Variants in KCNAB1 observed in about 807,000 individuals in gnomAD.
KCNAB1 encodes voltage-gated potassium channel subunit beta-1.
In KCNAB1, 35 loss-of-function variants were observed where a neutral mutation model predicts 64.6. The ratio of observed to expected loss-of-function variants is 0.54; its 90% CI spans 0.41 to 0.72. The LOEUF (loss-of-function observed/expected upper bound fraction) is 0.72. KCNAB1 is among the 30% of genes least tolerant of loss of function. KCNAB1 has a pLI of 0.00. For synonymous variants in KCNAB1, 177 were observed against 183.8 expected (o/e 0.96, Z 0.30); for missense variants, 401 against 512.9 (o/e 0.78, Z 2.11).
intron 1 of KCNAB1, among the ~76,000 whole-genome samples, chr3:156,282,421 G>T (rs1247844218): frequency 6.8e-6 from 1 of 146,972 alleles, no homozygotes; most frequent in Non-Finnish European, 1.5e-5. Flanking sequence ...GTGGTGTGGT[G>T]CTGAAAAAAA....
At chr3:156,160,224 C>A (rs1178841174) in intron 1 of KCNAB1, among the ~76,000 whole-genome samples, 1 of 152,218 alleles carries the variant, frequency 6.6e-6, no homozygotes, top group Non-Finnish European at 1.5e-5. Flanking sequence ...ATTTTAGAGA[C>A]AGGCAGATCT....
At position 156,130,231 on chromosome 3, in the gene KCNAB1, C is replaced by T. The variant is rs145784096; in HGVS notation, c.275+9345C>T. Among the ~76,000 whole-genome samples, 489 of 152,334 alleles carry T rather than the reference C, an allele frequency of 3.2e-3. 2 individuals are homozygous for T. The highest frequency in any genetic ancestry group is 0.011 in the African/African-American group (460 of 41,578). The stretch of plus-strand genomic sequence containing the variant: ...GCTATTATTTTTATTACCTTCTGCA[C>T]TGGACATGGGCTCTACGTCAGCTTA... On this transcript the variant is annotated intron_variant, in intron 1 of 13. Transcript: ENST00000490337.
At chr3:156,398,640 C>A (rs544891501) in intron 1 of KCNAB1, among the ~76,000 whole-genome samples, 1 of 149,696 alleles carries the variant, frequency 6.7e-6, no homozygotes, top group East Asian at 2.0e-4. Context: ...GTGCAGCAAA[C>A]CACCATCAAT....
chr3:156,490,742 T>C (rs900059709), intron 8 of KCNAB1, among the ~76,000 whole-genome samples: 3 of 151,998 alleles, frequency 2.0e-5, no homozygotes, highest in African/African-American at 7.2e-5. Context: ...CTGAAGGATA[T>C]CTTGAGAGAG....
At chr3:156,289,605 TC>T (rs1319198063) in intron 1 of KCNAB1, among the ~76,000 whole-genome samples, 1 of 152,126 alleles carries the variant, frequency 6.6e-6, no homozygotes, top group Non-Finnish European at 1.5e-5. Context: ...TTTGTTCCTT[TC>T]CCCAACCCTC....
chr3:156,315,635 A>G (rs1722223377), intron 1 of KCNAB1, among the ~76,000 whole-genome samples: 1 of 152,076 alleles, frequency 6.6e-6, no homozygotes. Flanking sequence ...ACTACTATGT[A>G]TTTGTATCTC....
intron 6 of KCNAB1, 109 bp from the exon 7 acceptor site, chr3:156,465,534 G>C: frequency 1.1e-6 from 1 of 929,366 alleles, no homozygotes; most frequent in Non-Finnish European, 1.7e-6. Context: ...CTCCAGTGGT[G>C]TAGAATTTGA....
At chr3:156,189,103 T>A (rs1192858051) in intron 1 of KCNAB1, among the ~76,000 whole-genome samples, 2 of 152,230 alleles carry the variant, frequency 1.3e-5, no homozygotes, top group Non-Finnish European at 2.9e-5. Flanking sequence ...TTGTCCATGT[T>A]GAATGGTCTT....
chr3:156,284,273 C>G (rs1369604615), intron 1 of KCNAB1, among the ~76,000 whole-genome samples: 1 of 152,120 alleles, frequency 6.6e-6, no homozygotes, highest in East Asian at 1.9e-4. Context: ...TCCAGTTAGG[C>G]TGCTCAGGGG....
At chr3:156,524,784 C>A (rs7610790) in intron 12 of KCNAB1, among the ~76,000 whole-genome samples, 137,992 of 138,232 alleles carry the variant, frequency 1, 68,877 homozygotes, top group Middle Eastern at 1. Context: ...AAAGAAAACC[C>A]CAAACCACAT....
intron 1 of KCNAB1, among the ~76,000 whole-genome samples, chr3:156,273,159 T>C (rs930174710): frequency 1.3e-5 from 2 of 151,218 alleles, no homozygotes; most frequent in Non-Finnish European, 2.9e-5. Context: ...CTTTTGGAAC[T>C]ATGAGCTATG....
chr3:156,312,724 A>AC, intron 1 of KCNAB1, among the ~76,000 whole-genome samples: 1 of 151,054 alleles, frequency 6.6e-6, no homozygotes, highest in Non-Finnish European at 1.5e-5. Flanking sequence ...AAAAAAAAAA[A>AC]AAAAAAACTC....
At chr3:156,157,081 A>C (rs993207525) in intron 1 of KCNAB1, among the ~76,000 whole-genome samples, 1 of 152,210 alleles carries the variant, frequency 6.6e-6, no homozygotes, top group South Asian at 2.1e-4. Context: ...AGTATGTTCA[A>C]TACTACTGCT....
chr3:156,158,174 AATAAAAAAT>A lies in KCNAB1; in HGVS notation c.275+37290_275+37298del, dbSNP rs1422000440. ...AGCGAAACTCTGTCTCAAAAAAAAA[AATAAAAAAT>A]AAATAAATAAATAAATAAATAAATA... On this transcript the variant is annotated intron_variant, in intron 1 of 13. Transcript: ENST00000490337. 3.2e-4 allele frequency among the ~76,000 whole-genome samples: 22 copies of A among 68,922 alleles called. 3 individuals are homozygous for A. The highest frequency in any genetic ancestry group is 6.6e-4 in the East Asian group (1 of 1,514). 45.2% of individuals were successfully genotyped at this position (68,922 alleles called of 152,430 possible).
intron 1 of KCNAB1, among the ~76,000 whole-genome samples, chr3:156,139,138 T>C (rs980794948): frequency 3.9e-5 from 6 of 152,250 alleles, no homozygotes; most frequent in African/African-American, 1.4e-4. Context: ...GAGCTTAAAA[T>C]TGATCTTAGT....
intron 7 of KCNAB1, among the ~76,000 whole-genome samples, chr3:156,470,912 G>A (rs750322140): frequency 6.6e-6 from 1 of 152,090 alleles, no homozygotes; most frequent in Non-Finnish European, 1.5e-5. Context: ...GGATAACCAC[G>A]TTTTGTAACG....
intron 1 of KCNAB1, among the ~76,000 whole-genome samples, chr3:156,140,116 C>A (rs1056502515): frequency 5.3e-5 from 8 of 152,092 alleles, no homozygotes; most frequent in Non-Finnish European, 8.8e-5. Context: ...ACTTTTAAAT[C>A]TTTGTCAATA....
intron 2 of KCNAB1, 85 bp downstream of exon 2, chr3:156,421,744 G>A: frequency 8.3e-7 from 1 of 1,210,926 alleles, no homozygotes; most frequent in East Asian, 2.3e-5. Flanking sequence ...GTCTAGGCCA[G>A]GACCTGGTCT....
chr3:156,344,496 C>T (rs1193155884), intron 1 of KCNAB1, among the ~76,000 whole-genome samples: 1 of 152,154 alleles, frequency 6.6e-6, no homozygotes, highest in Admixed American at 6.5e-5. Flanking sequence ...CTGCTCAGCG[C>T]ACAGCTGAGA....
Sources: allele counts gnomAD v4.1 joint callset (sites outside exome capture counted in the v4.1 genomes callset), GRCh38; gene constraint gnomAD v4.1.1; transcripts MANE v1.5; gene names NCBI Gene and HGNC (gene_info 2026-07-23, HGNC 2026-07-21).